The following PCDHA12 variants were observed in gnomAD, a reference collection of about 807,000 sequenced individuals.
PCDHA12 encodes protocadherin alpha 12.
Under a neutral mutation model 60.0 loss-of-function variants are expected in PCDHA12, and 44 were observed. The observed-to-expected ratio is 0.73, with a 90% CI of 0.58 to 0.94. The LOEUF is 0.94. PCDHA12 is among the 40% of genes least tolerant of loss of function. PCDHA12 has a pLI of 0.00. For synonymous variants in PCDHA12, 569 were observed against 553.0 expected (o/e 1.03, Z -0.40); for missense variants, 1,276 against 1,239.7 (o/e 1.03, Z -0.44).
chr5:140,881,179 C>A (rs550594918), intron 1 of PCDHA12, among the ~76,000 whole-genome samples: 4 of 152,240 alleles, frequency 2.6e-5, no homozygotes, highest in African/African-American at 7.2e-5. Flanking sequence ...CTTTTCCTTG[C>A]TAAAGATATG....
intron 3 of PCDHA12, among the ~76,000 whole-genome samples, chr5:141,007,658 A>G (rs2098338890): frequency 6.6e-6 from 1 of 152,098 alleles, no homozygotes; most frequent in Non-Finnish European, 1.5e-5. Context: ...AAAAACCATA[A>G]ATTTACAAAG....
At chr5:140,981,629 G>A (rs1342775971) in intron 2 of PCDHA12, among the ~76,000 whole-genome samples, 1 of 151,994 alleles carries the variant, frequency 6.6e-6, no homozygotes. Flanking sequence ...GGTTTTCTTG[G>A]ACATTTTCTC....
intron 1 of PCDHA12, among the ~76,000 whole-genome samples, chr5:140,911,789 G>A (rs1399185754): frequency 6.6e-6 from 1 of 152,024 alleles, no homozygotes; most frequent in Non-Finnish European, 1.5e-5. Flanking sequence ...GCATTTTTGG[G>A]TCTAATCATA....
Position 140,881,317 on chromosome 5 carries a change from T to A in PCDHA12, c.2367+3478T>A, listed in dbSNP as rs2058663628. On this transcript the variant is annotated intron_variant, in intron 1 of 3. Coordinates refer to ENST00000398631, the MANE Select transcript of PCDHA12 (RefSeq NM_018903.4). ...GGAAACTTTAACCTCCTGGTTAAAT[T>A]CTATTTAACCAGGACGCCGATTCGG... 8.2e-6 allele frequency: 8 copies of A among 977,378 alleles called. No individual in the cohort carries two copies. The Admixed American group carries it at 4.9e-4, about 60-fold the overall frequency. The allele number at this position is 977,378 out of a possible 1,614,324, so 60.5% of individuals were successfully genotyped here.
rs782343997 is a variant in PCDHA12 at position 140,882,709 on chromosome 5, T to C, written c.2367+4870T>C. 6 of 1,614,022 alleles carry C rather than the reference T, an allele frequency of 3.7e-6. No homozygotes were observed. In the Admixed American group the frequency reaches 6.7e-5, roughly 18 times the overall value. ...GAATAATCATTGCAGAATCTAGACC[T>C]CCGGAAACTCGATTTCCACTAGATG... is the stretch of plus-strand genomic sequence containing the variant. On this transcript the variant is annotated intron_variant, in intron 1 of 3. Coordinates refer to ENST00000398631, the MANE Select transcript of PCDHA12 (RefSeq NM_018903.4).
At chr5:140,958,796 T>C (rs2095443333) in intron 1 of PCDHA12, among the ~76,000 whole-genome samples, 2 of 152,182 alleles carry the variant, frequency 1.3e-5, no homozygotes, top group Admixed American at 6.5e-5. Context: ...TCTAGTAAAT[T>C]ATCACACCAT....
At chr5:140,997,656 T>G (rs2153947694) in intron 3 of PCDHA12, among the ~76,000 whole-genome samples, 1 of 149,610 alleles carries the variant, frequency 6.7e-6, no homozygotes. Flanking sequence ...GCAATATGTA[T>G]TATTATACAG....
Position 140,956,847 on chromosome 5 carries a change from T to G in PCDHA12, c.2368-22102T>G, listed in dbSNP as rs138847680. Among the ~76,000 whole-genome samples the G allele has an allele frequency of 1.6e-4, 24 of 152,262 alleles. 1 individual carries two copies. The East Asian group carries it at 4.6e-3, about 29-fold the overall frequency. ...AATTTAATATTTTTAAATCTTGGGT[T>G]AAATGGTTGAATGAATGTGTGAAAA... On this transcript the variant is annotated intron_variant, in intron 1 of 3. Transcript: ENST00000398631.
intron 1 of PCDHA12, among the ~76,000 whole-genome samples, chr5:140,937,306 G>A (rs994842470): frequency 4.3e-4 from 66 of 152,048 alleles, no homozygotes; most frequent in African/African-American, 1.6e-3. Flanking sequence ...CAAAGTGCTG[G>A]GATTACAGGC....
chr5:140,973,586 C>A (rs1207651483), intron 1 of PCDHA12, among the ~76,000 whole-genome samples: 1 of 152,176 alleles, frequency 6.6e-6, no homozygotes, highest in Non-Finnish European at 1.5e-5. Flanking sequence ...GACTGCTGAG[C>A]CAGATGGAAT....
chr5:140,978,661 T>A (rs1035787381), intron 1 of PCDHA12, among the ~76,000 whole-genome samples: 15 of 152,246 alleles, frequency 9.9e-5, no homozygotes, highest in Admixed American at 9.8e-4. Context: ...CCGTAGTGTT[T>A]TAAGAACACA....
rs371705947 is a variant in PCDHA12, at chr5:140,967,473, C to T, written c.2368-11476C>T. The T allele has an allele frequency of 6.6e-5, 107 of 1,613,362 alleles. No homozygotes were observed. The highest frequency in any genetic ancestry group is 6.6e-4 in the Middle Eastern group (4 of 6,058). On this transcript the variant is annotated intron_variant, in intron 1 of 3. Coordinates refer to ENST00000398631, the MANE Select transcript of PCDHA12 (RefSeq NM_018903.4). The stretch of plus-strand genomic sequence containing the variant: ...ACAGCCGTGGATGGGGGCATCCCAG[C>T]CCGCTCGGGTACGGCACAGATCTCT...
chr5:140,953,913 G>A (rs2094950683), intron 1 of PCDHA12, among the ~76,000 whole-genome samples: 1 of 152,104 alleles, frequency 6.6e-6, no homozygotes, highest in African/African-American at 2.4e-5. Flanking sequence ...CATCCATTAG[G>A]TATTCTTCCT....
intron 1 of PCDHA12, chr5:140,882,983 GC>G: frequency 1.2e-6 from 2 of 1,614,130 alleles, no homozygotes; most frequent in Non-Finnish European, 1.7e-6. Context: ...GAATGACAAC[GC>G]CCCGGAATTT....
intron 1 of PCDHA12, among the ~76,000 whole-genome samples, chr5:140,951,536 C>T (rs1260106126): frequency 2.0e-5 from 3 of 151,914 alleles, no homozygotes; most frequent in Admixed American, 6.6e-5. Flanking sequence ...GGTGCAGGAG[C>T]AAGGGACGGG....
intron 3 of PCDHA12, among the ~76,000 whole-genome samples, chr5:140,985,145 G>A (rs2097138679): frequency 6.6e-6 from 1 of 152,080 alleles, no homozygotes; most frequent in South Asian, 2.1e-4. Context: ...CACCGTGTTA[G>A]CCAGGATTGT....
intron 3 of PCDHA12, among the ~76,000 whole-genome samples, chr5:141,000,764 A>G (rs1371396511): frequency 2.0e-5 from 3 of 151,808 alleles, no homozygotes; most frequent in Non-Finnish European, 4.4e-5. Context: ...AATCTTAGCC[A>G]GGCATAGTGG....
chr5:140,928,334 C>CT, intron 1 of PCDHA12: 1 of 1,614,158 alleles, frequency 6.2e-7, no homozygotes, highest in Non-Finnish European at 8.5e-7. Flanking sequence ...GGCCTTGTCT[C>CT]TTATGAGCTG....
chr5:140,911,455 C>G (rs1266220741), intron 1 of PCDHA12, among the ~76,000 whole-genome samples: 3 of 152,132 alleles, frequency 2.0e-5, no homozygotes, highest in African/African-American at 7.2e-5. Flanking sequence ...AGCTCTTTCT[C>G]TACAGGAGAT....
Sources: gnomAD v4.1 joint callset for allele counts (sites outside exome capture counted in the v4.1 genomes callset) on GRCh38, gnomAD v4.1.1 for gene constraint, MANE v1.5 for transcripts, NCBI Gene and HGNC (gene_info 2026-07-23, HGNC 2026-07-21) for gene names.